Variants in ATRNL1 observed in about 807,000 individuals in gnomAD.
ATRNL1 encodes attractin like 1.
A neutral mutation model predicts 182.7 loss-of-function variants in ATRNL1; 95 were observed. That is an observed-to-expected ratio of 0.52 (90% confidence interval 0.44 to 0.62). The LOEUF is 0.62. Ranked by LOEUF, ATRNL1 falls within the 20% of genes least tolerant of loss-of-function variation. The probability of loss-of-function intolerance (pLI) is 0.00; values close to 1 mark genes in which losing one functional copy is unlikely to be tolerated. For missense variants in ATRNL1, 1,471 were observed against 1,679.5 expected (o/e 0.88, Z 2.17); for synonymous variants, 576 against 568.3 (o/e 1.01, Z -0.19).
intron 27 of ATRNL1, among the ~76,000 whole-genome samples, chr10:115,832,965 A>G (rs995467568): frequency 6.6e-6 from 1 of 152,182 alleles, no homozygotes; most frequent in East Asian, 1.9e-4. Flanking sequence ...AATGACCATC[A>G]CAAGTATTTT....
intron 8 of ATRNL1, among the ~76,000 whole-genome samples, chr10:115,184,974 T>C (rs1053050194): frequency 1.3e-5 from 2 of 152,022 alleles, no homozygotes; most frequent in Non-Finnish European, 2.9e-5. Flanking sequence ...ATTTTAGATA[T>C]ATGTTTAGAC....
intron 28 of ATRNL1, among the ~76,000 whole-genome samples, chr10:115,908,965 G>A (rs1952585423): frequency 6.6e-6 from 1 of 152,088 alleles, no homozygotes; most frequent in South Asian, 2.1e-4. Flanking sequence ...AGGCACATGT[G>A]CACGTCATGC....
intron 26 of ATRNL1, among the ~76,000 whole-genome samples, chr10:115,687,899 G>T (rs1946269868): frequency 1.3e-5 from 2 of 151,918 alleles, no homozygotes; most frequent in African/African-American, 2.4e-5. Flanking sequence ...TCAAATATTA[G>T]ATTAGAACTT....
At chr10:115,482,568 TTATG>T (rs1554974355) in intron 24 of ATRNL1, among the ~76,000 whole-genome samples, 3 of 151,130 alleles carry the variant, frequency 2.0e-5, no homozygotes, top group Non-Finnish European at 3.0e-5. Flanking sequence ...TTTTAATTAA[TTATG>T]TAGTAATGAA....
At chr10:115,496,010 G>T (rs1849533056) in intron 24 of ATRNL1, among the ~76,000 whole-genome samples, 2 of 151,970 alleles carry the variant, frequency 1.3e-5, no homozygotes, top group East Asian at 1.9e-4. Flanking sequence ...TTTTTGTGTT[G>T]GGTGCATATC....
chr10:115,165,493 C>A, intron 6 of ATRNL1, 65 bp from the exon 7 acceptor site: 6 of 819,078 alleles, frequency 7.3e-6, no homozygotes, highest in Non-Finnish European at 1.1e-5. Context: ...ATAAAAAGCA[C>A]GTGAAAATTA....
intron 28 of ATRNL1, among the ~76,000 whole-genome samples, chr10:115,915,165 A>C (rs979747580): frequency 2.0e-5 from 3 of 152,284 alleles, no homozygotes; most frequent in East Asian, 1.9e-4. Flanking sequence ...TGGGAGGCCG[A>C]GGCAGGCGGA....
intron 26 of ATRNL1, among the ~76,000 whole-genome samples, chr10:115,604,304 A>G (rs1413458196): frequency 6.6e-6 from 1 of 152,146 alleles, no homozygotes; most frequent in Non-Finnish European, 1.5e-5. Context: ...CTTTATTATG[A>G]TAGAACAGCC....
At chr10:115,097,777 A>G (rs1318290386) in intron 1 of ATRNL1, among the ~76,000 whole-genome samples, 1 of 152,114 alleles carries the variant, frequency 6.6e-6, no homozygotes, top group Non-Finnish European at 1.5e-5. Flanking sequence ...TACAAAAATT[A>G]GCTGGGTGTG....
At chr10:115,934,636 T>G (rs1589714590) in intron 28 of ATRNL1, among the ~76,000 whole-genome samples, 1 of 152,306 alleles carries the variant, frequency 6.6e-6, no homozygotes, top group Non-Finnish European at 1.5e-5. Context: ...TTATCTCTCC[T>G]TATTGCCACA....
intron 25 of ATRNL1, among the ~76,000 whole-genome samples, chr10:115,523,334 C>A (rs1554985741): frequency 6.6e-6 from 1 of 152,144 alleles, no homozygotes; most frequent in Non-Finnish European, 1.5e-5. Context: ...TTGTGAAATG[C>A]CTTCAGGGTC....
At chr10:115,777,163 G>A (rs1016168710) in intron 27 of ATRNL1, among the ~76,000 whole-genome samples, 1 of 152,062 alleles carries the variant, frequency 6.6e-6, no homozygotes, top group Non-Finnish European at 1.5e-5. Context: ...GCATATGGTG[G>A]TTAATATACA....
chr10:115,351,982 C>T (rs1554941513), intron 19 of ATRNL1, among the ~76,000 whole-genome samples: 1 of 151,978 alleles, frequency 6.6e-6, no homozygotes, highest in Non-Finnish European at 1.5e-5. Context: ...ATTATTGTTT[C>T]TGTTTCATAA....
intron 28 of ATRNL1, among the ~76,000 whole-genome samples, chr10:115,873,468 C>T (rs980478615): frequency 1.1e-4 from 16 of 152,304 alleles, no homozygotes; most frequent in East Asian, 1.9e-4. Flanking sequence ...CCCTAGTCAA[C>T]GCACAAAATA....
chr10:115,221,032 A>G (rs1193816765), intron 9 of ATRNL1, among the ~76,000 whole-genome samples: 2 of 152,206 alleles, frequency 1.3e-5, no homozygotes, highest in African/African-American at 4.8e-5. Context: ...ACCTCAGATC[A>G]TCAAGCATTA....
At position 115,454,708 on chromosome 10, in the gene ATRNL1, T is replaced by C. The variant is rs558823675; in HGVS notation, c.3323-7233T>C. Among the ~76,000 whole-genome samples the C allele has an allele frequency of 1.1e-4, 17 of 152,262 alleles. No homozygotes were observed. In the South Asian group the frequency reaches 3.5e-3, roughly 32 times the overall value. ...TCTTTTTCAGATAGTTCATTGCTAG[T>C]GTATAGCAATGCAACAGATTTTTGT... On this transcript the variant is annotated intron_variant, in intron 21 of 28. Coordinates refer to ENST00000355044, the MANE Select transcript of ATRNL1 (RefSeq NM_207303.4).
chr10:115,447,227 T>C (rs1035128272), intron 21 of ATRNL1, among the ~76,000 whole-genome samples: 6 of 151,928 alleles, frequency 3.9e-5, no homozygotes, highest in African/African-American at 1.4e-4. Context: ...TACTTAAAAA[T>C]TGTGTACCTG....
intron 27 of ATRNL1, among the ~76,000 whole-genome samples, chr10:115,769,499 T>TA (rs1236124910): frequency 6.6e-6 from 1 of 152,194 alleles, no homozygotes. Context: ...AATATATTGA[T>TA]ACTTACTTTA....
chr10:115,441,156 G>T, intron 21 of ATRNL1, among the ~76,000 whole-genome samples: 1 of 151,772 alleles, frequency 6.6e-6, no homozygotes, highest in East Asian at 1.9e-4. Flanking sequence ...AAGGGACTTT[G>T]CTCTTCCATT....
Sources: allele counts gnomAD v4.1 joint callset (sites outside exome capture counted in the v4.1 genomes callset), GRCh38; gene constraint gnomAD v4.1.1; transcripts MANE v1.5; gene names NCBI Gene and HGNC (gene_info 2026-07-23, HGNC 2026-07-21).